The following ZPBP variants were observed in gnomAD, a reference collection of about 807,000 sequenced individuals.
ZPBP encodes the protein zona pellucida-binding protein 1.
In ZPBP, 26 loss-of-function variants were observed where a neutral mutation model predicts 44.8. That is an observed-to-expected ratio of 0.58 (90% confidence interval 0.43 to 0.81). The LOEUF (loss-of-function observed/expected upper bound fraction) is 0.81. Ranked by LOEUF, ZPBP falls within the 30% of genes least tolerant of loss-of-function variation. The pLI, the probability that ZPBP is intolerant of heterozygous loss-of-function variation, is 0.00. For missense variants in ZPBP, 409 were observed against 434.0 expected (o/e 0.94, Z 0.51); for synonymous variants, 174 against 153.2 (o/e 1.14, Z -1.00).
chr7:50,025,308 G>A (rs1483079), intron 5 of ZPBP, among the ~76,000 whole-genome samples: 3,686 of 151,764 alleles, frequency 0.024, 271 homozygotes, highest in Admixed American at 0.15. Flanking sequence ...ATGTGAAAAG[G>A]CAAAAGACCT....
chr7:49,855,135 G>A (rs1336845209), intron 2 of ZPBP, among the ~76,000 whole-genome samples: 2 of 152,160 alleles, frequency 1.3e-5, no homozygotes, highest in African/African-American at 4.8e-5. Context: ...TATGTGAAAG[G>A]CCTGCTCACA....
chr7:49,933,846 G>A (rs112652827), downstream of ZPBP, among the ~76,000 whole-genome samples: 4,713 of 144,870 alleles, frequency 0.033, 116 homozygotes, highest in Middle Eastern at 0.057. Flanking sequence ...GGTGGGAATT[G>A]AACAATGAGA....
At chr7:49,956,888 G>A (rs1310261073) in intron 7 of ZPBP, among the ~76,000 whole-genome samples, 1 of 152,196 alleles carries the variant, frequency 6.6e-6, no homozygotes, top group Non-Finnish European at 1.5e-5. Context: ...CCAATTTTAA[G>A]ACTTACTAAC....
chr7:50,045,130 C>T (rs947179932), intron 4 of ZPBP, among the ~76,000 whole-genome samples: 29 of 152,032 alleles, frequency 1.9e-4, no homozygotes, highest in Non-Finnish European at 3.5e-4. Flanking sequence ...CAATAAACTA[C>T]GTATTGATGG....
chr7:49,873,462 C>T (rs1194951910), intron 2 of ZPBP, among the ~76,000 whole-genome samples: 2 of 152,152 alleles, frequency 1.3e-5, no homozygotes, highest in African/African-American at 4.8e-5. Context: ...CTCCTGATAC[C>T]ATCACCTAGG....
the ZPBP span, among the ~76,000 whole-genome samples, chr7:49,842,301 G>A: frequency 6.6e-6 from 1 of 152,040 alleles, no homozygotes; most frequent in Non-Finnish European, 1.5e-5. Context: ...TTATCATTCA[G>A]GAAATAAAAA....
intron 1 of ZPBP, chr7:49,921,753 T>G (rs1794029234): frequency 6.6e-6 from 1 of 151,748 alleles, no homozygotes; most frequent in South Asian, 2.1e-4. Context: ...AAATATTTTA[T>G]CCTCATGTTT....
At chr7:50,059,563 G>C (rs1801142446) in intron 3 of ZPBP, among the ~76,000 whole-genome samples, 1 of 152,110 alleles carries the variant, frequency 6.6e-6, no homozygotes, top group African/African-American at 2.4e-5. Flanking sequence ...TTAACAGTTT[G>C]CAAGAGTTCA....
At chr7:49,981,641 A>G (rs1199861652) in intron 7 of ZPBP, among the ~76,000 whole-genome samples, 1 of 93,580 alleles carries the variant, frequency 1.1e-5, no homozygotes, top group Non-Finnish European at 1.9e-5. Context: ...ATTATATATT[A>G]TATAATATCT....
chr7:50,080,027 A>G (rs1007872555), intron 3 of ZPBP, among the ~76,000 whole-genome samples: 3 of 151,666 alleles, frequency 2.0e-5, no homozygotes, highest in African/African-American at 7.2e-5. Flanking sequence ...CAACTTGAGT[A>G]TTTTCTCCAA....
At chr7:50,041,662 C>T (rs1800102295) in intron 4 of ZPBP, among the ~76,000 whole-genome samples, 1 of 152,114 alleles carries the variant, frequency 6.6e-6, no homozygotes, top group Non-Finnish European at 1.5e-5. Context: ...TCACCAACAT[C>T]TCCAAAGGTC....
At chr7:49,929,968 T>C (rs1794391476) in intron 1 of ZPBP, among the ~76,000 whole-genome samples, 4 of 152,258 alleles carry the variant, frequency 2.6e-5, no homozygotes, top group Admixed American at 2.6e-4. Context: ...TTAATCAGAA[T>C]TTAAAAATGA....
At chr7:49,850,606 G>C in intron 2 of ZPBP, 1 of 152,196 alleles carries the variant, frequency 6.6e-6, no homozygotes, top group East Asian at 1.9e-4. Flanking sequence ...TAGTAGGCCA[G>C]ACCATGTCTA....
intron 7 of ZPBP, among the ~76,000 whole-genome samples, chr7:49,950,799 CAT>C (rs1795309151): frequency 4.0e-5 from 6 of 151,492 alleles, no homozygotes; most frequent in Admixed American, 3.9e-4. Context: ...ATACTCAAAA[CAT>C]ATTTAAAAAA....
chr7:49,980,143 A>G, intron 7 of ZPBP, among the ~76,000 whole-genome samples: 1 of 114,472 alleles, frequency 8.7e-6, no homozygotes, highest in East Asian at 2.2e-4. Context: ...TATTATATTT[A>G]TATTATAATT....
At chr7:49,923,652 C>A (rs1257844658) in intron 1 of ZPBP, among the ~76,000 whole-genome samples, 1 of 151,998 alleles carries the variant, frequency 6.6e-6, no homozygotes, top group African/African-American at 2.4e-5. Context: ...CATTTAGCCA[C>A]ATCCCCACAT....
intron 4 of ZPBP, among the ~76,000 whole-genome samples, chr7:50,052,954 T>C (rs1452295356): frequency 1.3e-5 from 2 of 151,960 alleles, no homozygotes; most frequent in East Asian, 3.8e-4. Context: ...GGAAAATGGG[T>C]TCAATTATAA....
chr7:49,893,096 T>C (rs1046328166), intron 2 of ZPBP, among the ~76,000 whole-genome samples: 1 of 152,220 alleles, frequency 6.6e-6, no homozygotes, highest in Non-Finnish European at 1.5e-5. Context: ...GGACATATTA[T>C]TTCTGTTTCC....
chr7:49,977,270 G>C (rs1416223682), intron 7 of ZPBP, among the ~76,000 whole-genome samples: 1 of 151,990 alleles, frequency 6.6e-6, no homozygotes, highest in Non-Finnish European at 1.5e-5. Flanking sequence ...CAATGTCTTT[G>C]TGGGTCGAAA....
Sources: gnomAD v4.1 joint callset for allele counts (sites outside exome capture counted in the v4.1 genomes callset) on GRCh38, gnomAD v4.1.1 for gene constraint, MANE v1.5 for transcripts, NCBI Gene and HGNC (gene_info 2026-07-23, HGNC 2026-07-21) for gene names.